The following TTC8 variants were observed in gnomAD, a reference collection of about 807,000 sequenced individuals.
TTC8 encodes tetratricopeptide repeat domain 8.
In TTC8, 47 loss-of-function variants were observed where a neutral mutation model predicts 72.5. That is an observed-to-expected ratio of 0.65 (90% confidence interval 0.51 to 0.83). The LOEUF is 0.83. TTC8 is among the 40% of genes least tolerant of loss of function. The pLI is 0.00. For synonymous variants in TTC8, 199 were observed against 221.4 expected (o/e 0.90, Z 0.90); for missense variants, 611 against 623.2 (o/e 0.98, Z 0.21).
rs181543760 is a variant in TTC8, at chr14:88,854,218, A to G, written c.710+1162A>G. 3.2e-4 allele frequency among the ~76,000 whole-genome samples: 48 copies of G among 152,344 alleles called. No individual in the cohort carries two copies. The East Asian group carries it at 9.3e-3, about 29-fold the overall frequency. ...GAGCTGCCAAGCAAAACCTTCAGAAATGCTTGATAATTAAAGGAAAGCAAA... is the reference window on the plus strand; with the variant it reads ...GAGCTGCCAAGCAAAACCTTCAGAAGTGCTTGATAATTAAAGGAAAGCAAA... On this transcript the variant is annotated intron_variant, in intron 8 of 14. Coordinates refer to ENST00000380656, the MANE Select transcript of TTC8 (RefSeq NM_144596.4).
rs150588545 is a variant in TTC8, at chr14:88,855,707, G to A, written c.711-1483G>A. The stretch of plus-strand genomic sequence containing the variant: ...TTAAATCATTTTTGGAAAGAAACAA[G>A]TTAGATAAAAATACACAGACTCTCA... On this transcript the variant is annotated intron_variant, in intron 8 of 14. Transcript: ENST00000380656. 5.9e-5 allele frequency among the ~76,000 whole-genome samples: 9 copies of A among 152,210 alleles called. 1 individual carries two copies. Among genetic ancestry groups the A allele is most frequent in the African/African-American group, 2.2e-4 (9 of 41,542 alleles).
intron 1 of TTC8, among the ~76,000 whole-genome samples, chr14:88,829,455 T>G (rs1202586273): frequency 6.6e-6 from 1 of 152,230 alleles, no homozygotes; most frequent in Non-Finnish European, 1.5e-5. Flanking sequence ...ATATGTCAGA[T>G]TCATGGCTTT....
chr14:88,874,947 A>G (rs2094950461), intron 13 of TTC8, 79 bp from the exon 14 acceptor site: 1 of 1,091,214 alleles, frequency 9.2e-7, no homozygotes, highest in South Asian at 1.5e-5. Context: ...GAATTCTTTT[A>G]CCAAAAAAAA....
At position 88,871,452 on chromosome 14, in the gene TTC8, A is replaced by C; in HGVS notation, c.1050-97A>C. The C allele has an allele frequency of 9.1e-7, 1 of 1,102,660 alleles. No homozygotes were observed. 68.3% of individuals were successfully genotyped at this position (1,102,660 alleles called of 1,614,324 possible). ...CTTAAGGAGTATCAAAAATCACAAG[A>C]TGAATTCATTTTTAACTGTGTAAAA... On this transcript the variant is annotated intron_variant, in intron 11 of 14. Transcript: ENST00000380656. The surrounding 1 kb of genome is among the most constrained non-coding windows in gnomAD (Gnocchi z 4.1).
chr14:88,846,596 A>C (rs1402639877), intron 7 of TTC8: 1 of 1,419,096 alleles, frequency 7.0e-7, no homozygotes, highest in East Asian at 2.5e-5. Context: ...TTTTATTAAT[A>C]GATTCATCTT....
At chr14:88,858,754 ATTTTTTTTTTTTTTT>A (rs138871136) in intron 9 of TTC8, among the ~76,000 whole-genome samples, 7 of 86,912 alleles carry the variant, frequency 8.1e-5, no homozygotes, top group East Asian at 3.5e-4. Flanking sequence ...TGCCTGGATA[ATTTTTTTTTTTTTTT>A]TTTTTTTTTT....
At chr14:88,876,312 T>C (rs537160101) in intron 14 of TTC8, among the ~76,000 whole-genome samples, 3 of 152,206 alleles carry the variant, frequency 2.0e-5, no homozygotes, top group Non-Finnish European at 4.4e-5. Context: ...AGAAGTGCTA[T>C]GATTTAAAAA....
At chr14:88,879,403 C>T (rs2094967089), downstream of TTC8, 1 of 152,088 alleles carries the variant, frequency 6.6e-6, no homozygotes, top group African/African-American at 2.4e-5. Flanking sequence ...ATTGCTCAAC[C>T]AAAATTCATA....
intron 13 of TTC8, among the ~76,000 whole-genome samples, chr14:88,873,175 C>G (rs867265697): frequency 1.6e-4 from 25 of 152,334 alleles, no homozygotes; most frequent in African/African-American, 6.0e-4. Flanking sequence ...GGCTCCTGCT[C>G]AGACCACATC....
At chr14:88,831,176 A>G in intron 1 of TTC8, 1 of 187,788 alleles carries the variant, frequency 5.3e-6, no homozygotes, top group Non-Finnish European at 1.1e-5. Context: ...TCAGTAGAAC[A>G]CCCCTCCCAC....
At chr14:88,827,894 A>G (rs759237775) in intron 1 of TTC8, among the ~76,000 whole-genome samples, 10 of 152,222 alleles carry the variant, frequency 6.6e-5, no homozygotes, top group Non-Finnish European at 1.5e-4. Context: ...TGACTCCACA[A>G]TAGCAGGTTT....
At chr14:88,840,485 C>T (rs1407687789) in intron 3 of TTC8, among the ~76,000 whole-genome samples, 1 of 151,974 alleles carries the variant, frequency 6.6e-6, no homozygotes, top group Non-Finnish European at 1.5e-5. Flanking sequence ...GGTAAATTAT[C>T]TTTTATTGGG....
intron 12 of TTC8, among the ~76,000 whole-genome samples, 171 bp from the exon 13 acceptor site, chr14:88,872,159 G>A (rs888849854): frequency 2.6e-5 from 4 of 152,124 alleles, no homozygotes; most frequent in Admixed American, 6.5e-5. Context: ...GAGTCATTGC[G>A]GCTCATTTTA....
At chr14:88,858,798 T>G (rs2094869868) in intron 9 of TTC8, among the ~76,000 whole-genome samples, 2 of 146,248 alleles carry the variant, frequency 1.4e-5, no homozygotes, top group Admixed American at 1.4e-4. Flanking sequence ...AGATGGATTC[T>G]TGCTGTGTTG....
At chr14:88,833,612 ATACTTGGTTGG>A in intron 1 of TTC8, 70 bp from the exon 2 acceptor site, 1 of 1,267,640 alleles carries the variant, frequency 7.9e-7, no homozygotes, top group Non-Finnish European at 1.2e-6. Context: ...TCACCTACAA[ATACTTGGTTGG>A]TCCTTAGGAC....
At chr14:88,846,799 G>T (rs1004840723) in intron 7 of TTC8, 24 of 513,364 alleles carry the variant, frequency 4.7e-5, no homozygotes, top group East Asian at 2.4e-4. Context: ...AAAAATTTTT[G>T]ATTTTAAACA....
In TTC8 at chr14:88,877,658, C is replaced by G. The variant is rs1479210761; in HGVS notation, c.*248C>G. ...TTCTAAATAGATCCTGAAACTGTCTCTCACATTATATAGTAGATGTTTGTT... is the reference window on the plus strand; with the variant it reads ...TTCTAAATAGATCCTGAAACTGTCTGTCACATTATATAGTAGATGTTTGTT... On this transcript the variant is annotated 3_prime_UTR_variant, in exon 15 of 15. Transcript: ENST00000380656. 3.1e-6 allele frequency: 1 copy of G among 323,836 alleles called. No homozygotes were observed. The highest frequency in any genetic ancestry group is 5.7e-6 in the Non-Finnish European group (1 of 174,646). The allele number at this position is 323,836 out of a possible 1,614,324, so 20.1% of individuals were successfully genotyped here.
At chr14:88,824,568 T>G (rs1464805937), upstream of TTC8, 2 of 650,166 alleles carry the variant, frequency 3.1e-6, no homozygotes, top group Non-Finnish European at 5.4e-6. Flanking sequence ...TTTTTCCTGT[T>G]CTCAGGCGCG....
At chr14:88,870,025 T>C (rs2094927083) in intron 10 of TTC8, 34 bp from the exon 11 acceptor site, 1 of 1,609,100 alleles carries the variant, frequency 6.2e-7, no homozygotes, top group African/African-American at 1.3e-5. Flanking sequence ...CCAATATTAA[T>C]AAAATATTGC....
Sources: gnomAD v4.1 joint callset for allele counts (sites outside exome capture counted in the v4.1 genomes callset) on GRCh38, gnomAD v4.1.1 for gene constraint, Gnocchi (gnomAD v3.1) non-coding constraint, MANE v1.5 for transcripts, NCBI Gene and HGNC (gene_info 2026-07-23, HGNC 2026-07-21) for gene names.